HTATIP2: variants seen among roughly 807,000 people sequenced by gnomAD.
HTATIP2 encodes the protein HIV-1 Tat interactive protein 2.
HTATIP2 carries 26 observed loss-of-function variants against 24.7 expected under a neutral mutation model. The ratio of observed to expected loss-of-function variants is 1.05; its 90% confidence interval spans 0.77 to 1.46. HTATIP2 has a LOEUF of 1.46. Among genes scored for constraint, HTATIP2 ranks in the 40% most tolerant of loss-of-function variants. The pLI, the probability that HTATIP2 is intolerant of heterozygous loss-of-function variation, is 0.00. For missense variants in HTATIP2, 284 were observed against 289.6 expected, an observed-to-expected ratio of 0.98 and a Z score of 0.14; for synonymous variants, 99 against 113.2, an observed-to-expected ratio of 0.87 and a Z score of 0.79.
chr11:20,382,276 C>T (rs373862290), intron 4 of HTATIP2, 37 bp downstream of exon 4: 3 of 1,200,744 alleles, frequency 2.5e-6, no homozygotes, highest in African/African-American at 3.0e-5. Flanking sequence ...GAGTATGCCA[C>T]TGATGGTTAA....
chr11:20,377,129 C>CTTTTTTT (rs11441867), intron 3 of HTATIP2, among the ~76,000 whole-genome samples: 2 of 144,226 alleles, frequency 1.4e-5, no homozygotes. Context: ...ACTTTCTTTT[C>CTTTTTTT]TTTTTTTTTT....
rs369175509 is a variant in HTATIP2 at position 20,383,622 on chromosome 11, A to G, written c.*417A>G. On this transcript the variant is annotated 3_prime_UTR_variant, in exon 5 of 5. Transcript: ENST00000451739. ...TGAGCTCTGCTCTAAAATTGTTGAC[A>G]TTCATGTCTCTGAGTTACAAAAGTG... is the stretch of plus-strand genomic sequence containing the variant. The G allele has an allele frequency of 3.5e-5, 6 of 170,344 alleles. No homozygotes were observed. In the South Asian group the frequency reaches 9.6e-4, roughly 27 times the overall value. The allele number at this position is 170,344 out of a possible 1,614,324, so 10.6% of individuals were successfully genotyped here. A position where few individuals can be genotyped will look rare whatever the true frequency, so the allele number is the denominator to read the frequency against.
chr11:20,376,430 G>T (rs1264230565), intron 2 of HTATIP2, 150 bp from the exon 3 acceptor site: 6 of 859,178 alleles, frequency 7.0e-6, no homozygotes, highest in Non-Finnish European at 1.1e-5. Context: ...CTTTCCCAGG[G>T]TCTAAGCCTG....
chr11:20,365,232 T>G (rs2064686009), intron 1 of HTATIP2, among the ~76,000 whole-genome samples: 1 of 152,062 alleles, frequency 6.6e-6, no homozygotes, highest in Admixed American at 6.6e-5. Flanking sequence ...CAGATGATGC[T>G]CCCGCTTCAG....
At chr11:20,365,024 C>T (rs1388356324) in intron 1 of HTATIP2, among the ~76,000 whole-genome samples, 1 of 151,542 alleles carries the variant, frequency 6.6e-6, no homozygotes, top group African/African-American at 2.4e-5. Flanking sequence ...CACTCTGTCC[C>T]CCAGGCTGGA....
intron 2 of HTATIP2, chr11:20,367,798 T>C (rs554864825): frequency 2.7e-4 from 90 of 339,292 alleles, no homozygotes; most frequent in African/African-American, 2.0e-3. Flanking sequence ...ACCCCACTAA[T>C]GATTCAGTCT....
chr11:20,380,671 C>CAAAAAAAAAAAA (rs35392320), intron 3 of HTATIP2, among the ~76,000 whole-genome samples: 2 of 81,882 alleles, frequency 2.4e-5, no homozygotes, highest in Non-Finnish European at 4.6e-5. Context: ...GACTCCATCT[C>CAAAAAAAAAAAA]AAAAAAAAAA....
intron 2 of HTATIP2, among the ~76,000 whole-genome samples, chr11:20,374,492 G>C (rs1848412493): frequency 6.6e-6 from 1 of 152,152 alleles, no homozygotes; most frequent in Non-Finnish European, 1.5e-5. Context: ...TCAGCTTCTA[G>C]AGGCCACCCC....
At position 20,375,513 on chromosome 11, in the gene HTATIP2, G is replaced by A. The variant is rs558550009; in HGVS notation, c.304-1067G>A. ...TTGAACTCAGGAGGCAGAGGTTGTG[G>A]TGAGTGGAGACCACGCCACTGCCCT... On this transcript the variant is annotated intron_variant, in intron 2 of 4. Coordinates refer to ENST00000451739, the MANE Select transcript of HTATIP2 (RefSeq NM_001098522.2). Among the ~76,000 whole-genome samples the A allele has an allele frequency of 1.6e-3, 244 of 152,304 alleles. 1 individual carries two copies. Among genetic ancestry groups the A allele is most frequent in the Middle Eastern group, 6.8e-3 (2 of 294 alleles).
intron 2 of HTATIP2, among the ~76,000 whole-genome samples, chr11:20,373,905 A>T (rs1474397156): frequency 6.6e-6 from 1 of 152,212 alleles, no homozygotes; most frequent in Non-Finnish European, 1.5e-5. Flanking sequence ...AAGCAACTGC[A>T]TGAATTTGAG....
chr11:20,365,835 G>A (rs889596371), intron 1 of HTATIP2, among the ~76,000 whole-genome samples: 7 of 151,804 alleles, frequency 4.6e-5, no homozygotes, highest in African/African-American at 1.7e-4. Context: ...GCTGGGCGTG[G>A]TGGTGCACGC....
In HTATIP2 at chr11:20,364,127, G is replaced by A; in HGVS notation, c.-111G>A. On this transcript the variant is annotated 5_prime_UTR_variant, in exon 1 of 5. Coordinates refer to ENST00000451739, the MANE Select transcript of HTATIP2 (RefSeq NM_001098522.2). ...GCACTTTCCCCAGAGCCCGGACTGC[G>A]GAGAACAATATCCTCCTCCCTAACA... 2 of 1,457,146 alleles carry A rather than the reference G, an allele frequency of 1.4e-6. No homozygotes were observed. The highest frequency in any genetic ancestry group is 1.8e-6 in the Non-Finnish European group (2 of 1,101,854). The allele number at this position is 1,457,146 out of a possible 1,614,324, so 90.3% of individuals were successfully genotyped here. A position where few individuals can be genotyped will look rare whatever the true frequency, so the allele number is the denominator to read the frequency against.
intron 2 of HTATIP2, among the ~76,000 whole-genome samples, chr11:20,374,776 C>CT (rs1441529092): frequency 6.6e-6 from 1 of 152,196 alleles, no homozygotes. Flanking sequence ...CACTAGAACT[C>CT]TGATTTTAAT....
At chr11:20,369,847 C>G (rs531687023) in intron 2 of HTATIP2, among the ~76,000 whole-genome samples, 1 of 152,210 alleles carries the variant, frequency 6.6e-6, no homozygotes, top group East Asian at 1.9e-4. Flanking sequence ...GGATGTAATC[C>G]AACCCACAAA....
chr11:20,369,767 G>T (rs1418815123), intron 2 of HTATIP2, among the ~76,000 whole-genome samples: 1 of 152,184 alleles, frequency 6.6e-6, no homozygotes, highest in Non-Finnish European at 1.5e-5. Flanking sequence ...CATCTGCAAT[G>T]AACTTATTTC....
chr11:20,380,513 A>C (rs1306453905), intron 3 of HTATIP2, among the ~76,000 whole-genome samples: 1 of 152,106 alleles, frequency 6.6e-6, no homozygotes, highest in African/African-American at 2.4e-5. Context: ...TCTACTAAAA[A>C]TACAAAAAAT....
intron 3 of HTATIP2, among the ~76,000 whole-genome samples, chr11:20,380,465 G>A (rs1287461338): frequency 6.6e-6 from 1 of 152,166 alleles, no homozygotes; most frequent in East Asian, 1.9e-4. Context: ...GAGGTCAGGA[G>A]ATTGAGACCA....
chr11:20,377,150 G>T (rs527708729), intron 3 of HTATIP2, among the ~76,000 whole-genome samples: 132 of 142,486 alleles, frequency 9.3e-4, no homozygotes, highest in African/African-American at 3.3e-3. Context: ...TTTTGAGACA[G>T]GTTCCCAGGC....
At position 20,383,339 on chromosome 11, in the gene HTATIP2, AT is replaced by A. The variant is rs1233271967; in HGVS notation, c.*135del. The A allele has an allele frequency of 1.7e-5, 11 of 658,816 alleles. No homozygotes were observed. Among genetic ancestry groups the A allele is most frequent in the Admixed American group, 2.7e-5 (1 of 37,034 alleles). The allele number at this position is 658,816 out of a possible 1,614,324, so 40.8% of individuals were successfully genotyped here. On this transcript the variant is annotated 3_prime_UTR_variant, in exon 5 of 5. Coordinates refer to ENST00000451739, the MANE Select transcript of HTATIP2 (RefSeq NM_001098522.2). Reference sequence around the variant, plus strand: ...CTCAGGCATCCATTCCAATCAAGAAATGATGGTGCTCTGCATCAGTGGTTCA... The same window carrying A: ...CTCAGGCATCCATTCCAATCAAGAAAGATGGTGCTCTGCATCAGTGGTTCA...
Sources: allele counts gnomAD v4.1 joint callset (sites outside exome capture counted in the v4.1 genomes callset), GRCh38; gene constraint gnomAD v4.1.1; transcripts MANE v1.5; gene names NCBI Gene and HGNC (gene_info 2026-07-23, HGNC 2026-07-21).